Variants in HSPG2 observed in about 807,000 individuals in gnomAD.
HSPG2 encodes the protein heparan sulfate proteoglycan 2.
HSPG2 carries 278 observed loss-of-function variants against 526.6 expected under a neutral mutation model. The observed-to-expected ratio is 0.53, with a 90% CI of 0.48 to 0.58. The LOEUF (loss-of-function observed/expected upper bound fraction) is 0.58, where lower values mean the gene tolerates loss of function less well. HSPG2 is among the 20% of genes least tolerant of loss of function. The pLI is 0.00. For synonymous variants in HSPG2, 2,465 were observed against 2,555.4 expected, an observed-to-expected ratio of 0.96 and a Z score of 1.07; for missense variants, 5,354 against 6,099.5, an observed-to-expected ratio of 0.88 and a Z score of 4.07.
At chr1:21,894,526 G>A (rs1642607543) in intron 3 of HSPG2, among the ~76,000 whole-genome samples, 1 of 152,126 alleles carries the variant, frequency 6.6e-6, no homozygotes, top group African/African-American at 2.4e-5. Flanking sequence ...TCCCACTTGC[G>A]AGGAAAGGCA....
chr1:21,863,906 C>T (rs562576103), intron 37 of HSPG2, among the ~76,000 whole-genome samples, 194 bp downstream of exon 37: 1 of 152,256 alleles, frequency 6.6e-6, no homozygotes, highest in Admixed American at 6.5e-5. Flanking sequence ...TTTCTTTACA[C>T]AGAAGGATGT....
chr1:21,824,593 T>C lies in HSPG2; in HGVS notation c.12688A>G (p.Ile4230Val), dbSNP rs771043879. 8.1e-6 allele frequency: 13 copies of C among 1,613,908 alleles called. No individual in the cohort carries two copies. Among genetic ancestry groups the C allele is most frequent in the Non-Finnish European group, 1.1e-5 (13 of 1,180,044 alleles). Reference protein sequence around the residue: ...SRSLPEVPETIELEVRTSTAS... With the variant: ...SRSLPEVPETVELEVRTSTAS... ...GTGCTGGTCCGAACCTCCAGCTCGA[T>C]GGTCTCGGGCACCTCGGGCAGGCTG... Residue 4230 changes from isoleucine (I) to valine (V), a missense_variant, in exon 93 of 97, where the codon ATC becomes GTC. Ile to Val is a conservative substitution (Grantham distance 29, BLOSUM62 3). Coordinates refer to ENST00000374695, the MANE Select transcript of HSPG2 (RefSeq NM_005529.7). This position sits in a 1 kb window ranked among gnomAD's most constrained non-coding sequence, Gnocchi z 5.9.
Position 21,842,140 on chromosome 1 carries a change from G to A in HSPG2, c.9055C>T (p.Leu3019Phe). Residue 3019 changes from leucine (L) to phenylalanine (F), a missense_variant and splice_region_variant, in exon 69 of 97, where the codon CTT (leucine) becomes TTT (phenylalanine). Coordinates refer to ENST00000374695, the MANE Select transcript of HSPG2 (RefSeq NM_005529.7). ...TCGATGGAGATGACCGGGCTCCTAA[G>A]GCCTGGGGCCAAAGGGGCAGAGGGC... is the stretch of plus-strand genomic sequence containing the variant. The part of the protein sequence containing the change: ...VPPSEGSSYR[L>F]RSPVISIDPP... The A allele has an allele frequency of 6.2e-7, 1 of 1,613,750 alleles. No homozygotes were observed. Among genetic ancestry groups the A allele is most frequent in the South Asian group, 1.1e-5 (1 of 91,082 alleles).
In HSPG2 at chr1:21,880,125, A is replaced by AG. The variant is rs1478741362; in HGVS notation, c.2324dup (p.Val776CysfsTer65). On this transcript the variant is annotated frameshift_variant, in exon 17 of 97. Transcript: ENST00000374695. LOFTEE classifies it high-confidence loss of function. ...TACTCACCAGGCAGTGGCCATACAC[A>AG]GGGTCACAGGAGCTGGCATGGCCAT... 1 of 1,614,066 alleles carries AG rather than the reference A, an allele frequency of 6.2e-7. No individual in the cohort carries two copies. The highest frequency in any genetic ancestry group is 1.7e-5 in the Admixed American group (1 of 60,018).
rs751831260 is a variant in HSPG2 at position 21,857,396 on chromosome 1, G to A, written c.5294-11C>T. 36 of 1,612,022 alleles carry A rather than the reference G, an allele frequency of 2.2e-5. No individual in the cohort carries two copies. Among genetic ancestry groups the A allele is most frequent in the East Asian group, 6.7e-5 (3 of 44,880 alleles). On this transcript the variant is annotated splice_polypyrimidine_tract_variant and intron_variant, in intron 42 of 96. Transcript: ENST00000374695. The stretch of plus-strand genomic sequence containing the variant: ...GCTTGCTTGGAGCCTCTGCAGGGAC[G>A]GGAAGCCCCCCTGTGAGCCGGTGCT...
At chr1:21,842,479 G>T in intron 67 of HSPG2, 99 bp from the exon 68 acceptor site, 1 of 1,348,474 alleles carries the variant, frequency 7.4e-7, no homozygotes, top group South Asian at 1.5e-5. Flanking sequence ...TCTCTCGGAA[G>T]CTCAGGGTCT....
intron 1 of HSPG2, 41 bp from the exon 2 acceptor site, chr1:21,896,351 T>G (rs765576797): frequency 7.5e-6 from 12 of 1,606,486 alleles, no homozygotes; most frequent in Non-Finnish European, 1.0e-5. Context: ...TCTCTCCAGC[T>G]CCCACTGAGC....
intron 28 of HSPG2, 145 bp downstream of exon 28, chr1:21,874,261 G>T (rs1026187229): frequency 2.6e-6 from 3 of 1,135,834 alleles, no homozygotes; most frequent in Non-Finnish European, 3.8e-6. Flanking sequence ...TGAAAGTGAA[G>T]TGTATCTCAC....
In HSPG2 at chr1:21,848,194, G is replaced by T. The variant is rs2152714164; in HGVS notation, c.7738-101C>A. The T allele has an allele frequency of 9.4e-6, 13 of 1,379,766 alleles. No homozygotes were observed. The South Asian group carries it at 1.6e-4, about 17-fold the overall frequency. 85.5% of individuals were successfully genotyped at this position (1,379,766 alleles called of 1,614,324 possible). ...GCCCCTGGACTCTGGGGGCCTCCCT[G>T]CCTTGCCTCCTCAGTGGCCTTCGTG... On this transcript the variant is annotated intron_variant, in intron 59 of 96. Coordinates refer to ENST00000374695, the MANE Select transcript of HSPG2 (RefSeq NM_005529.7). The surrounding 1 kb of genome is among the most constrained non-coding windows in gnomAD (Gnocchi z 4.9).
chr1:21,878,120 TC>T, intron 21 of HSPG2, 65 bp downstream of exon 21: 1 of 1,449,140 alleles, frequency 6.9e-7, no homozygotes, highest in Non-Finnish European at 9.6e-7. Context: ...GGAGCTTCCT[TC>T]TTCCTCCTCC....
intron 77 of HSPG2, 40 bp from the exon 78 acceptor site, chr1:21,833,965 G>A: frequency 7.3e-7 from 1 of 1,374,560 alleles, no homozygotes; most frequent in Non-Finnish European, 1.0e-6. Context: ...CAACATGACA[G>A]TCACAGATAT....
In HSPG2 at chr1:21,868,995, G is replaced by A. The variant is rs552150907; in HGVS notation, c.4222-3186C>T. ...TAGGAGGGAAGGGCAGGTGGTAAGA[G>A]CCGAGGGGAGCAGGGGTGGGGGTGG... is the stretch of plus-strand genomic sequence containing the variant. On this transcript the variant is annotated intron_variant, in intron 33 of 96. Transcript: ENST00000374695. 68 of 468,202 alleles carry A rather than the reference G, an allele frequency of 1.5e-4. No homozygotes were observed. In the South Asian group the frequency reaches 5.1e-3, roughly 35 times the overall value. 29.0% of individuals were successfully genotyped at this position (468,202 alleles called of 1,614,324 possible).
chr1:21,888,757 G>C (rs969974632), intron 6 of HSPG2: 1 of 1,340,892 alleles, frequency 7.5e-7, no homozygotes, highest in Non-Finnish European at 1.0e-6. Flanking sequence ...TTCCACCTGG[G>C]AGCCGGGAGC....
rs71636991 is a variant in HSPG2 at position 21,835,760 on chromosome 1, C to G, written c.10356-123G>C. 0.083 allele frequency: 57,064 copies of G among 690,870 alleles called. 2,911 individuals carry two copies. The highest frequency in any genetic ancestry group is 0.17 in the African/African-American group (9,633 of 56,372). The allele number at this position is 690,870 out of a possible 1,614,324, so 42.8% of individuals were successfully genotyped here. A position where few individuals can be genotyped will look rare whatever the true frequency, so the allele number is the denominator to read the frequency against. ...GCACTTTGGGAGGCTGAGGCAGGCG[C>G]ATCACTTGAGATCAGGAGCTTGAGA... On this transcript the variant is annotated intron_variant, in intron 75 of 96. Coordinates refer to ENST00000374695, the MANE Select transcript of HSPG2 (RefSeq NM_005529.7).
intron 1 of HSPG2, among the ~76,000 whole-genome samples, chr1:21,903,622 A>T (rs906413726): frequency 2.0e-5 from 3 of 152,152 alleles, no homozygotes; most frequent in Non-Finnish European, 4.4e-5. Flanking sequence ...AAATAAAATA[A>T]AATAAAAATA....
chr1:21,888,070 C>A lies in HSPG2; in HGVS notation c.575-4G>T. 1 of 1,614,008 alleles carries A rather than the reference C, an allele frequency of 6.2e-7. No individual in the cohort carries two copies. The highest frequency in any genetic ancestry group is 8.5e-7 in the Non-Finnish European group (1 of 1,180,032). On this transcript the variant is annotated splice_polypyrimidine_tract_variant and splice_region_variant and intron_variant, in intron 6 of 96. Transcript: ENST00000374695. ...CAGGCTCTTGGGAACTGGGGCACTG[C>A]AGGTGGAAAGGAAGCAGACTGGAGT...
intron 1 of HSPG2, among the ~76,000 whole-genome samples, chr1:21,905,174 CA>C (rs1431705122): frequency 5.2e-5 from 4 of 77,558 alleles, no homozygotes; most frequent in Non-Finnish European, 1.2e-4. Context: ...CACCCACCCA[CA>C]CACACACACA....
chr1:21,852,962 A>C lies in HSPG2; in HGVS notation c.6548T>G (p.Val2183Gly), dbSNP rs150181818. 12 of 1,613,464 alleles carry C rather than the reference A, an allele frequency of 7.4e-6. No individual in the cohort carries two copies. Among genetic ancestry groups the C allele is most frequent in the Non-Finnish European group, 1.0e-5 (12 of 1,179,860 alleles). Residue 2183 changes from valine (V) to glycine (G), a missense_variant, in exon 51 of 97, where the codon GTC becomes GGC. Transcript: ENST00000374695. ...GCTGCCCCCACGCTTGTGCCACGTGACCTGGGCGTGGGCCTGCCCGGGCAC... is the reference window on the plus strand; with the variant it reads ...GCTGCCCCCACGCTTGTGCCACGTGCCCTGGGCGTGGGCCTGCCCGGGCAC... ...CVVPGQAHAQVTWHKRGGSLP... is the reference protein window; with the variant it reads ...CVVPGQAHAQGTWHKRGGSLP...
chr1:21,914,981 G>C (rs1165088452), intron 1 of HSPG2, among the ~76,000 whole-genome samples: 5 of 152,188 alleles, frequency 3.3e-5, no homozygotes, highest in Admixed American at 6.5e-5. Flanking sequence ...CTGCACTCTG[G>C]TTCTGGGTGT....
Sources: allele counts gnomAD v4.1 joint callset (sites outside exome capture counted in the v4.1 genomes callset), GRCh38; gene constraint gnomAD v4.1.1; non-coding constraint Gnocchi (gnomAD v3.1); transcripts MANE v1.5; gene names NCBI Gene and HGNC (gene_info 2026-07-23, HGNC 2026-07-21).